The following SYNE2 variants were observed in gnomAD, a reference collection of about 807,000 sequenced individuals.
SYNE2 encodes nesprin-2.
SYNE2 carries 431 observed loss-of-function variants against 856.3 expected under a neutral mutation model. The observed-to-expected ratio is 0.50, with a 90% CI of 0.47 to 0.55. The LOEUF (loss-of-function observed/expected upper bound fraction) is 0.55, where lower values mean the gene tolerates loss of function less well. Ranked by LOEUF, SYNE2 falls within the 20% of genes least tolerant of loss-of-function variation. The pLI is 0.00. For synonymous variants in SYNE2, 2,923 were observed against 2,872.3 expected, an observed-to-expected ratio of 1.02 and a Z score of -0.56; for missense variants, 8,129 against 8,023.2, an observed-to-expected ratio of 1.01 and a Z score of -0.50.
intron 112 of SYNE2, among the ~76,000 whole-genome samples, chr14:64,222,659 G>T (rs991277671): frequency 1.3e-5 from 2 of 152,302 alleles, no homozygotes; most frequent in Non-Finnish European, 2.9e-5. Flanking sequence ...CCAGGAGGCG[G>T]AGGTTGCAGT....
intron 1 of SYNE2, among the ~76,000 whole-genome samples, chr14:63,793,682 A>G (rs532157659): frequency 3.0e-4 from 46 of 152,246 alleles, no homozygotes; most frequent in African/African-American, 1.0e-3. Context: ...CATGCCTATA[A>G]TCCCAGGGCT....
chr14:63,948,170 C>T (rs1167682500), intron 6 of SYNE2, among the ~76,000 whole-genome samples: 1 of 44,304 alleles, frequency 2.3e-5, no homozygotes, highest in African/African-American at 4.6e-5. Context: ...CACACATACA[C>T]ACACACACAC....
At chr14:64,024,787 T>G in intron 39 of SYNE2, 125 bp from the exon 40 acceptor site, 1 of 1,021,308 alleles carries the variant, frequency 9.8e-7, no homozygotes, top group Admixed American at 2.5e-5. Flanking sequence ...CAAATTAAAT[T>G]CTCTCTAAAT....
At chr14:64,018,107 G>C (rs187479060) in intron 34 of SYNE2, among the ~76,000 whole-genome samples, 3 of 152,260 alleles carry the variant, frequency 2.0e-5, no homozygotes, top group African/African-American at 7.2e-5. Context: ...ATTACGCAAG[G>C]GGTCTGTAGG....
intron 53 of SYNE2, 164 bp from the exon 54 acceptor site, chr14:64,075,781 C>A: frequency 1.5e-6 from 1 of 674,776 alleles, no homozygotes; most frequent in Non-Finnish European, 2.6e-6. Context: ...TCTGACTAAA[C>A]TGAGTGTCTC....
intron 1 of SYNE2, among the ~76,000 whole-genome samples, chr14:63,899,974 T>G (rs1365766812): frequency 6.6e-6 from 1 of 152,242 alleles, no homozygotes; most frequent in Non-Finnish European, 1.5e-5. Flanking sequence ...ATTTTTAGTT[T>G]CATGAGTGTT....
At position 64,143,816 on chromosome 14, in the gene SYNE2, C is replaced by G. The variant is rs569092674; in HGVS notation, c.15351C>G (p.Phe5117Leu). ...ACTATAAACAGTGGATAGTTGACTTCGTTAACCAGTCATTACTTCAGCTAA... is the reference window on the plus strand; with the variant it reads ...ACTATAAACAGTGGATAGTTGACTTGGTTAACCAGTCATTACTTCAGCTAA... ...EMDYKQWIVD[F>L]VNQSLLQLST... The change falls in exon 83 of 116, where the codon TTC becomes TTG. Residue 5117 changes from phenylalanine to leucine, a missense_variant. By Grantham distance (22) the Phe-to-Leu change is conservative. Transcript: ENST00000555002. The G allele has an allele frequency of 6.2e-7, 1 of 1,614,120 alleles. No individual in the cohort carries two copies. The highest frequency in any genetic ancestry group is 1.7e-5 in the Admixed American group (1 of 60,008).
Position 64,025,187 on chromosome 14 carries a change from T to C in SYNE2, c.6018T>C (p.Thr2006=). The change falls in exon 41 of 116, where the codon ACT becomes ACC. Residue 2006 remains threonine (T), a synonymous_variant. Transcript: ENST00000555002. ...ACTCTTTGAAGGAATATGGGTTTAC[T>C]GAAGAAGAAGAAATAATAATGGAAG... is the stretch of plus-strand genomic sequence containing the variant. The part of the protein sequence containing the change: ...LNNSLKEYGF[T]EEEEIIMEAT... 1 of 1,614,136 alleles carries C rather than the reference T, an allele frequency of 6.2e-7. No individual in the cohort carries two copies. The highest frequency in any genetic ancestry group is 8.5e-7 in the Non-Finnish European group (1 of 1,179,998).
chr14:63,787,238 T>C (rs1229236083), intron 1 of SYNE2, among the ~76,000 whole-genome samples: 1 of 152,222 alleles, frequency 6.6e-6, no homozygotes. Flanking sequence ...TGATTAATTA[T>C]TGTTAACTAT....
At chr14:63,980,783 TGTTTTA>T in intron 15 of SYNE2, 51 bp downstream of exon 15, 1 of 1,293,126 alleles carries the variant, frequency 7.7e-7, no homozygotes, top group Non-Finnish European at 1.1e-6. Flanking sequence ...TTAACAGTGA[TGTTTTA>T]TCTGTTGTGC....
chr14:64,210,587 C>T (rs1175372886), intron 103 of SYNE2, among the ~76,000 whole-genome samples: 2 of 152,184 alleles, frequency 1.3e-5, no homozygotes, highest in African/African-American at 4.8e-5. Context: ...GGGTTGGGGA[C>T]TGTGATTATT....
intron 96 of SYNE2, among the ~76,000 whole-genome samples, chr14:64,185,635 C>G (rs542377951): frequency 3.3e-5 from 5 of 150,420 alleles, no homozygotes; most frequent in African/African-American, 1.2e-4. Flanking sequence ...ATTCTCCTGC[C>G]TCAGCCTCCC....
chr14:63,796,952 G>A (rs553235703), intron 1 of SYNE2, among the ~76,000 whole-genome samples: 72 of 151,658 alleles, frequency 4.7e-4, no homozygotes, highest in Admixed American at 7.9e-4. Flanking sequence ...GGTGGCGTGC[G>A]CCTCTAGTCC....
chr14:64,155,031 G>A, intron 85 of SYNE2, among the ~76,000 whole-genome samples: 1 of 152,154 alleles, frequency 6.6e-6, no homozygotes, highest in East Asian at 1.9e-4. Flanking sequence ...CTGCTGGCCG[G>A]GTTCCATGGA....
At chr14:63,888,513 C>T (rs974598283) in intron 1 of SYNE2, among the ~76,000 whole-genome samples, 15 of 152,164 alleles carry the variant, frequency 9.9e-5, no homozygotes, top group Non-Finnish European at 1.8e-4. Context: ...GTATCACTTG[C>T]CTAATTATTT....
At chr14:63,995,269 A>G (rs528423261) in intron 23 of SYNE2, 67 bp downstream of exon 23, 5 of 1,399,076 alleles carry the variant, frequency 3.6e-6, no homozygotes, top group South Asian at 3.6e-5. Context: ...GGTTGTGTGT[A>G]TCTTTAGCCT....
intron 32 of SYNE2, among the ~76,000 whole-genome samples, chr14:64,013,257 A>G (rs990753786): frequency 1.2e-4 from 18 of 152,206 alleles, no homozygotes; most frequent in African/African-American, 4.1e-4. Context: ...AAGTATATCA[A>G]TTAAATGAAA....
intron 96 of SYNE2, among the ~76,000 whole-genome samples, chr14:64,184,310 G>A (rs1222834401): frequency 4.1e-5 from 6 of 148,034 alleles, no homozygotes; most frequent in Non-Finnish European, 8.9e-5. Context: ...CTGCCAGAGA[G>A]CCACACTGTA....
Position 64,002,029 on chromosome 14 carries a change from C to T in SYNE2, c.3734C>T (p.Ala1245Val). The T allele has an allele frequency of 6.2e-7, 1 of 1,613,534 alleles. No individual in the cohort carries two copies. Among genetic ancestry groups the T allele is most frequent in the Non-Finnish European group, 8.5e-7 (1 of 1,179,470 alleles). The change falls in exon 29 of 116, where the codon GCC becomes GTC. Residue 1245 changes from alanine to valine, a missense_variant. Ala to Val is a moderately conservative substitution (Grantham distance 64). Coordinates refer to ENST00000555002, the MANE Select transcript of SYNE2 (RefSeq NM_182914.3). ...CGSDLPLHKMAIQGFHLIDAD... is the reference protein window; with the variant it reads ...CGSDLPLHKMVIQGFHLIDAD... Reference sequence around the variant, plus strand: ...TCGGACCTGCCTCTCCATAAAATGGCCATCCAGGGATTTCATCTCATTGAT... The same window carrying T: ...TCGGACCTGCCTCTCCATAAAATGGTCATCCAGGGATTTCATCTCATTGAT...
Sources: allele counts gnomAD v4.1 joint callset (sites outside exome capture counted in the v4.1 genomes callset), GRCh38; gene constraint gnomAD v4.1.1; transcripts MANE v1.5; gene names NCBI Gene and HGNC (gene_info 2026-07-23, HGNC 2026-07-21).